Variants in FBXO27 observed in about 807,000 individuals in gnomAD.
The protein encoded by FBXO27 is F-box protein 27.
A neutral mutation model predicts 28.3 loss-of-function variants in FBXO27; 28 were observed. That is an observed-to-expected ratio of 0.99 (90% CI 0.73 to 1.36). The LOEUF (loss-of-function observed/expected upper bound fraction) is 1.36. Among genes scored for constraint, FBXO27 ranks in the 40% most tolerant of loss-of-function variants. FBXO27 has a pLI of 0.00. For synonymous variants in FBXO27, 175 were observed against 167.3 expected (o/e 1.05, Z -0.36); for missense variants, 388 against 394.1 (o/e 0.98, Z 0.13).
At chr19:39,026,164 T>C (rs1038988478) in intron 5 of FBXO27, among the ~76,000 whole-genome samples, 1 of 152,194 alleles carries the variant, frequency 6.6e-6, no homozygotes, top group African/African-American at 2.4e-5. Flanking sequence ...CAGCTTCTAC[T>C]GTTTCTCTGG....
At chr19:39,021,598 A>G (rs182650193), downstream of FBXO27, among the ~76,000 whole-genome samples, 3 of 152,324 alleles carry the variant, frequency 2.0e-5, no homozygotes, top group Admixed American at 1.3e-4. Context: ...CATTTATGTT[A>G]TCAGCGAGGC....
At chr19:39,013,602 C>T (rs1189097674) in intron 2 of FBXO27, among the ~76,000 whole-genome samples, 2 of 150,508 alleles carry the variant, frequency 1.3e-5, no homozygotes, top group Admixed American at 1.3e-4. Context: ...TGCACTCCAG[C>T]ATGGGTGACA....
Position 39,032,292 on chromosome 19 carries a change from G to T in FBXO27, c.-26-39C>A. On this transcript the variant is annotated intron_variant, in intron 1 of 5. Coordinates refer to ENST00000292853, the MANE Select transcript of FBXO27 (RefSeq NM_178820.5). The surrounding 1 kb of genome is among the most constrained non-coding windows in gnomAD (Gnocchi z 4.7). Reference sequence around the variant, plus strand: ...AGGGTCAAGGCGTCAGGGACCAGCAGCCTCCGCGGCGCGCAGCCTCTGCCT... The same window carrying T: ...AGGGTCAAGGCGTCAGGGACCAGCATCCTCCGCGGCGCGCAGCCTCTGCCT... 7.3e-7 allele frequency: 1 copy of T among 1,374,582 alleles called. No homozygotes were observed. Among genetic ancestry groups the T allele is most frequent in the East Asian group, 3.1e-5 (1 of 32,500 alleles). The allele number at this position is 1,374,582 out of a possible 1,614,324, so 85.1% of individuals were successfully genotyped here.
In FBXO27 at chr19:39,031,313, G is replaced by A; in HGVS notation, c.372C>T (p.Leu124=). 1 of 1,613,828 alleles carries A rather than the reference G, an allele frequency of 6.2e-7. No homozygotes were observed. Among genetic ancestry groups the A allele is most frequent in the Non-Finnish European group, 8.5e-7 (1 of 1,179,880 alleles). The change falls in exon 3 of 6, where the codon CTC becomes CTT. Residue 124 remains leucine, a synonymous_variant. Transcript: ENST00000292853. ...LIRNPCGQEG[L]RKWMVQHGGD... ...CACCGTGTTGCACCATCCACTTTCG[G>A]AGGCCTTCTGTGAAATAAAAAAGGC... is the stretch of plus-strand genomic sequence containing the variant.
chr19:39,020,888 T>C (rs2072842278), downstream of FBXO27, among the ~76,000 whole-genome samples: 1 of 151,676 alleles, frequency 6.6e-6, no homozygotes, highest in African/African-American at 2.4e-5. Flanking sequence ...GGAGTCTCGC[T>C]CTGTCACCCA....
intron 2 of FBXO27, among the ~76,000 whole-genome samples, chr19:39,012,707 T>C (rs1364906983): frequency 6.6e-6 from 1 of 151,908 alleles, no homozygotes; most frequent in African/African-American, 2.4e-5. Context: ...CCTGTAATGC[T>C]AGCACTTTGG....
chr19:39,011,450 G>T (rs987213679), intron 2 of FBXO27, among the ~76,000 whole-genome samples: 4 of 151,990 alleles, frequency 2.6e-5, no homozygotes, highest in East Asian at 3.9e-4. Context: ...ATTTTTTTTT[G>T]ATAGGCATTG....
chr19:39,027,104 G>C, intron 4 of FBXO27, 99 bp from the exon 5 acceptor site: 1 of 1,486,722 alleles, frequency 6.7e-7, no homozygotes, highest in Non-Finnish European at 9.2e-7. Context: ...TGCAAATCCA[G>C]TTCCTCTAAA....
downstream of FBXO27, among the ~76,000 whole-genome samples, chr19:39,022,439 T>G (rs146465748): frequency 1.6e-3 from 236 of 152,100 alleles, 1 homozygote; most frequent in African/African-American, 5.4e-3. Flanking sequence ...CCACATCCAG[T>G]CTTTCCCGAA....
At chr19:39,023,688 A>G (rs7258997), downstream of FBXO27, among the ~76,000 whole-genome samples, 1 of 151,422 alleles carries the variant, frequency 6.6e-6, no homozygotes, top group Non-Finnish European at 1.5e-5. Flanking sequence ...ATCCTGGCTC[A>G]CTGCAACCTC....
intron 1 of FBXO27, among the ~76,000 whole-genome samples, chr19:39,015,736 A>G (rs1436227257): frequency 6.6e-6 from 1 of 152,126 alleles, no homozygotes; most frequent in Non-Finnish European, 1.5e-5. Context: ...GATTCCATCA[A>G]TATGACATTC....
intron 1 of FBXO27, among the ~76,000 whole-genome samples, chr19:39,016,761 G>A (rs537451998): frequency 2.1e-4 from 32 of 151,614 alleles, no homozygotes; most frequent in Non-Finnish European, 3.7e-4. Context: ...CTCTAGCCTG[G>A]GCAACAGAGT....
intron 2 of FBXO27, among the ~76,000 whole-genome samples, chr19:39,009,749 T>C (rs1452924939): frequency 6.6e-6 from 1 of 152,144 alleles, no homozygotes; most frequent in African/African-American, 2.4e-5. Flanking sequence ...GTGGGTTGTC[T>C]TTTCATTATT....
intron 2 of FBXO27, among the ~76,000 whole-genome samples, chr19:39,008,476 A>AT (rs1251220472): frequency 6.6e-6 from 1 of 151,986 alleles, no homozygotes; most frequent in Admixed American, 6.6e-5. Context: ...ATAACTTTAG[A>AT]TTTTTTTCCA....
At chr19:39,015,588 T>C (rs1397318758) in intron 1 of FBXO27, among the ~76,000 whole-genome samples, 1 of 152,016 alleles carries the variant, frequency 6.6e-6, no homozygotes, top group African/African-American at 2.4e-5. Flanking sequence ...GGTCTGATCA[T>C]GCTACTGCAC....
At chr19:39,019,498 T>C (rs1006328325), downstream of FBXO27, among the ~76,000 whole-genome samples, 1 of 113,768 alleles carries the variant, frequency 8.8e-6, no homozygotes, top group Non-Finnish European at 1.8e-5. Flanking sequence ...GACTCTAATA[T>C]AATTCTAGAA....
chr19:39,013,304 C>T (rs2072804427), intron 2 of FBXO27, among the ~76,000 whole-genome samples: 1 of 152,170 alleles, frequency 6.6e-6, no homozygotes, highest in African/African-American at 2.4e-5. Flanking sequence ...CCTCCTTGAA[C>T]TTACAGCTTT....
intron 2 of FBXO27, among the ~76,000 whole-genome samples, chr19:39,008,807 A>G (rs537403714): frequency 1.3e-5 from 2 of 152,264 alleles, no homozygotes; most frequent in East Asian, 3.9e-4. Flanking sequence ...AGCATATATC[A>G]GTATTTCATT....
chr19:39,008,316 C>T (rs2072779250), intron 2 of FBXO27, among the ~76,000 whole-genome samples: 1 of 151,524 alleles, frequency 6.6e-6, no homozygotes, highest in Non-Finnish European at 1.5e-5. Context: ...TGGGGTCTCA[C>T]TATGTTGCCC....
Sources: allele counts gnomAD v4.1 joint callset (sites outside exome capture counted in the v4.1 genomes callset), GRCh38; gene constraint gnomAD v4.1.1; non-coding constraint Gnocchi (gnomAD v3.1); transcripts MANE v1.5; gene names NCBI Gene and HGNC (gene_info 2026-07-23, HGNC 2026-07-21).